Variants in POGZ observed in about 807,000 individuals in gnomAD.
POGZ encodes pogo transposable element derived with ZNF domain.
Under a neutral mutation model 134.6 loss-of-function variants are expected in POGZ, and 17 were observed. That is an observed-to-expected ratio of 0.13 (90% CI 0.09 to 0.19). POGZ has a LOEUF of 0.19. Among genes scored for constraint, POGZ ranks in the 10% least tolerant of loss-of-function variants. The pLI is 1.00. For missense variants in POGZ, 1,306 were observed against 1,769.7 expected, an observed-to-expected ratio of 0.74 and a Z score of 4.70; for synonymous variants, 693 against 657.1, an observed-to-expected ratio of 1.05 and a Z score of -0.84.
Position 151,442,092 on chromosome 1 carries a change from T to C in POGZ, c.113A>G (p.Lys38Arg), listed in dbSNP as rs1342820360. The part of the protein sequence containing the change: ...SVVEDYNSVD[K>R]TTTVSVSQQP... ...AGAGCTTTTGTTACCTGTGGTAGTTTTATCCACTGAATTATAATCTTCAAC... is the reference window on the plus strand; with the variant it reads ...AGAGCTTTTGTTACCTGTGGTAGTTCTATCCACTGAATTATAATCTTCAAC... Residue 38 changes from lysine to arginine, a missense_variant, in exon 2 of 19, where the codon AAA (lysine) becomes AGA (arginine). Lys to Arg is a conservative substitution (Grantham distance 26). Around this residue, in one of 10 missense-constraint regions of POGZ, gnomAD observed 541 missense variants for 680.5 expected, o/e 0.80. Transcript: ENST00000271715. 1.3e-6 allele frequency: 2 copies of C among 1,598,952 alleles called. No homozygotes were observed. Among genetic ancestry groups the C allele is most frequent in the South Asian group, 2.2e-5 (2 of 90,480 alleles).
At chr1:151,433,880 C>T (rs1321827965) in intron 3 of POGZ, among the ~76,000 whole-genome samples, 2 of 152,072 alleles carry the variant, frequency 1.3e-5, no homozygotes, top group African/African-American at 2.4e-5. Flanking sequence ...AAAAAAAAGC[C>T]TTTAAAAGGA....
At chr1:151,420,562 C>T (rs774595425) in intron 10 of POGZ, among the ~76,000 whole-genome samples, 15 of 152,198 alleles carry the variant, frequency 9.9e-5, no homozygotes, top group Non-Finnish European at 2.1e-4. Flanking sequence ...CTGCCTGCCT[C>T]GGCCTCTCAA....
intron 17 of POGZ, 24 bp from the exon 18 acceptor site, chr1:151,406,655 ATAGT>A (rs759685284): frequency 3.7e-6 from 6 of 1,601,844 alleles, no homozygotes; most frequent in East Asian, 2.2e-5. Flanking sequence ...AACAACAAAA[ATAGT>A]TAGCTCAGTG....
chr1:151,410,899 A>C (rs1198561533), intron 12 of POGZ, among the ~76,000 whole-genome samples: 1 of 152,152 alleles, frequency 6.6e-6, no homozygotes, highest in African/African-American at 2.4e-5. Flanking sequence ...CCATCTCTAC[A>C]TCATAAATAT....
At position 151,428,458 on chromosome 1, in the gene POGZ, C is replaced by T. The variant is rs745901555; in HGVS notation, c.569-45G>A. 1.6e-4 allele frequency: 242 copies of T among 1,552,164 alleles called. 1 individual carries two copies. The highest frequency in any genetic ancestry group is 2.0e-4 in the Non-Finnish European group (226 of 1,127,224). ...TACCAGATCTTGGTCAGTGAGCTCA[C>T]CTATAACACATTCTCCCTGCCTTTA... On this transcript the variant is annotated intron_variant, in intron 5 of 18. Coordinates refer to ENST00000271715, the MANE Select transcript of POGZ (RefSeq NM_015100.4).
Position 151,403,228 on chromosome 1 carries a change from G to C in POGZ, c.*1574C>G. 1.0e-6 allele frequency: 1 copy of C among 985,746 alleles called. No individual in the cohort carries two copies. The highest frequency in any genetic ancestry group is 1.2e-6 in the Non-Finnish European group (1 of 829,896). 61.1% of individuals were successfully genotyped at this position (985,746 alleles called of 1,614,324 possible). A position where few individuals can be genotyped will look rare whatever the true frequency, so the allele number is the denominator to read the frequency against. On this transcript the variant is annotated 3_prime_UTR_variant, in exon 19 of 19. Coordinates refer to ENST00000271715, the MANE Select transcript of POGZ (RefSeq NM_015100.4). Reference sequence around the variant, plus strand: ...AAAAAACAAACAAACAAAAAAGCAGGGTGGGGTGGGAGAAATGGGTGGTAA... The same window carrying C: ...AAAAAACAAACAAACAAAAAAGCAGCGTGGGGTGGGAGAAATGGGTGGTAA...
intron 3 of POGZ, among the ~76,000 whole-genome samples, chr1:151,432,569 T>C (rs140176696): frequency 2.2e-4 from 34 of 152,320 alleles, no homozygotes; most frequent in African/African-American, 7.5e-4. Flanking sequence ...TGTTTTATTA[T>C]GGAGAAGTTA....
Position 151,424,174 on chromosome 1 carries a change from G to A in POGZ, c.1298C>T (p.Ala433Val). 1 of 1,614,082 alleles carries A rather than the reference G, an allele frequency of 6.2e-7. No homozygotes were observed. Among genetic ancestry groups the A allele is most frequent in the Non-Finnish European group, 8.5e-7 (1 of 1,179,952 alleles). The change falls in exon 9 of 19, where the codon GCT (alanine) becomes GTT (valine). Residue 433 changes from alanine to valine, a missense_variant. Ala to Val is a moderately conservative substitution (Grantham distance 64). Transcript: ENST00000271715. Reference protein sequence around the residue: ...PPSPEKTAPVASTPSSTPIPA... With the variant: ...PPSPEKTAPVVSTPSSTPIPA... ...AATAGGTGTAGAAGAGGGTGTGGAA[G>A]CAACAGGAGCTGTTTTCTCAGGGGA... is the stretch of plus-strand genomic sequence containing the variant.
chr1:151,412,143 T>G (rs750179059), intron 11 of POGZ, among the ~76,000 whole-genome samples, 153 bp downstream of exon 11: 1 of 152,218 alleles, frequency 6.6e-6, no homozygotes, highest in Non-Finnish European at 1.5e-5. Flanking sequence ...ATGGAAACCC[T>G]GAAGATAAAC....
In POGZ at chr1:151,408,690, T is replaced by C. The variant is rs1654108694; in HGVS notation, c.2061+4A>G. The C allele has an allele frequency of 3.1e-6, 5 of 1,613,378 alleles. No homozygotes were observed. The highest frequency in any genetic ancestry group is 2.7e-5 in the African/African-American group (2 of 74,936). Reference sequence around the variant, plus strand: ...CCTATAAAAGACACTGGCAAACTCTTTACCTTGGTGCCTGGTTTCAAGCCC... The same window carrying C: ...CCTATAAAAGACACTGGCAAACTCTCTACCTTGGTGCCTGGTTTCAAGCCC... On this transcript the variant is annotated splice_donor_region_variant and intron_variant, in intron 13 of 18. Coordinates refer to ENST00000271715, the MANE Select transcript of POGZ (RefSeq NM_015100.4).
At chr1:151,419,222 C>T (rs1286883411) in intron 10 of POGZ, among the ~76,000 whole-genome samples, 2 of 151,694 alleles carry the variant, frequency 1.3e-5, no homozygotes, top group African/African-American at 4.8e-5. Flanking sequence ...ATTAACTGGG[C>T]ATGGTGGCAC....
At chr1:151,435,958 C>CTTTTT (rs58367755) in intron 3 of POGZ, among the ~76,000 whole-genome samples, 4 of 134,818 alleles carry the variant, frequency 3.0e-5, no homozygotes, top group Non-Finnish European at 3.1e-5. Flanking sequence ...ATTTTCTTTT[C>CTTTTT]TTTTTTTTTT....
At chr1:151,424,423 G>C in intron 8 of POGZ, 137 bp from the exon 9 acceptor site, 1 of 584,384 alleles carries the variant, frequency 1.7e-6, no homozygotes, top group Non-Finnish European at 2.9e-6. Flanking sequence ...GTTTTTTTTA[G>C]CGTTTCCAAG....
At chr1:151,430,247 C>T (rs1173287044) in intron 4 of POGZ, among the ~76,000 whole-genome samples, 1 of 152,142 alleles carries the variant, frequency 6.6e-6, no homozygotes, top group African/African-American at 2.4e-5. Context: ...CATTATATAT[C>T]AAATAAGTCA....
At chr1:151,425,099 T>C (rs2102278501) in intron 7 of POGZ, 38 bp from the exon 8 acceptor site, 1 of 1,059,442 alleles carries the variant, frequency 9.4e-7, no homozygotes, top group Non-Finnish European at 1.4e-6. Context: ...ATTAATACAA[T>C]GACACTGGAA....
At chr1:151,423,367 C>T (rs1326866925) in intron 10 of POGZ, 30 bp downstream of exon 10, 4 of 1,583,916 alleles carry the variant, frequency 2.5e-6, no homozygotes, top group South Asian at 2.2e-5. Flanking sequence ...AAGGTATATT[C>T]CCCTTGAGTT....
chr1:151,459,373 C>T lies in POGZ; in HGVS notation c.-223G>A, dbSNP rs911116360. The stretch of plus-strand genomic sequence containing the variant: ...GGGTGGATTTTTTTCCCGAGGGGGG[C>T]GGGGGGGCCCCGAGGGAGGGGGGTG... On this transcript the variant is annotated 5_prime_UTR_variant, in exon 1 of 19. Transcript: ENST00000271715. 2.0e-5 allele frequency: 1 copy of T among 49,248 alleles called. No homozygotes were observed. The highest frequency in any genetic ancestry group is 5.7e-5 in the Non-Finnish European group (1 of 17,446). The allele number at this position is 49,248 out of a possible 1,614,324, so 3.1% of individuals were successfully genotyped here. A position where few individuals can be genotyped will look rare whatever the true frequency, so the allele number is the denominator to read the frequency against.
intron 5 of POGZ, 167 bp downstream of exon 5, chr1:151,429,436 C>T: frequency 7.5e-6 from 3 of 401,474 alleles, no homozygotes; most frequent in Non-Finnish European, 1.3e-5. Flanking sequence ...ACCACCCTGG[C>T]CAAAGGTTAG....
intron 10 of POGZ, among the ~76,000 whole-genome samples, chr1:151,413,182 C>A (rs1436381609): frequency 6.7e-6 from 1 of 149,720 alleles, no homozygotes; most frequent in Non-Finnish European, 1.5e-5. Flanking sequence ...TCACCGCAGC[C>A]TCCTGAGTAG....
Sources: allele counts gnomAD v4.1 joint callset (sites outside exome capture counted in the v4.1 genomes callset), GRCh38; gene constraint gnomAD v4.1.1; regional missense constraint gnomAD v4.1.1; transcripts MANE v1.5; gene names NCBI Gene and HGNC (gene_info 2026-07-23, HGNC 2026-07-21).